LCP2: variants seen among roughly 807,000 people sequenced by gnomAD.
LCP2 encodes lymphocyte cytosolic protein 2, also known as 76 kDa tyrosine phosphoprotein.
LCP2 carries 29 observed loss-of-function variants against 74.5 expected under a neutral mutation model. The ratio of observed to expected loss-of-function variants is 0.39; its 90% CI spans 0.29 to 0.53. The LOEUF (loss-of-function observed/expected upper bound fraction) is 0.53, where lower values mean the gene tolerates loss of function less well. Ranked by LOEUF, LCP2 falls within the 20% of genes least tolerant of loss-of-function variation. LCP2 has a pLI of 0.72. For missense variants in LCP2, 604 were observed against 634.6 expected (o/e 0.95, Z 0.52); for synonymous variants, 228 against 229.5 (o/e 0.99, Z 0.06).
At chr5:170,262,807 T>C (rs1761681449) in intron 12 of LCP2, 35 bp downstream of exon 12, 4 of 1,613,930 alleles carry the variant, frequency 2.5e-6, no homozygotes, top group Non-Finnish European at 3.4e-6. Flanking sequence ...CTACAGAACG[T>C]CCCATGTACC....
chr5:170,279,916 A>C (rs1762071768), intron 3 of LCP2, among the ~76,000 whole-genome samples: 1 of 152,068 alleles, frequency 6.6e-6, no homozygotes, highest in Non-Finnish European at 1.5e-5. Context: ...CACAAGAGGA[A>C]AGAAACTATA....
intron 14 of LCP2, 75 bp from the exon 15 acceptor site, chr5:170,258,953 C>A: frequency 1.0e-6 from 1 of 990,504 alleles, no homozygotes. Context: ...CTGCATTTCT[C>A]AATCAAATAA....
intron 10 of LCP2, among the ~76,000 whole-genome samples, chr5:170,266,049 C>CTAA (rs1305275237): frequency 2.0e-5 from 3 of 152,162 alleles, no homozygotes; most frequent in Admixed American, 2.0e-4. Flanking sequence ...AAAAATGCAC[C>CTAA]TCCTTTGTTG....
chr5:170,289,617 TTTTCTTTCTTTCTTTCTTTC>T (rs70979169), intron 2 of LCP2, among the ~76,000 whole-genome samples: 12 of 122,230 alleles, frequency 9.8e-5, no homozygotes, highest in South Asian at 2.8e-4. Context: ...CTTTCTTTCT[TTTTCTTTCTTTCTTTCTTTC>T]TTTCTTTCTT....
chr5:170,296,379 T>C (rs907621009), intron 1 of LCP2, among the ~76,000 whole-genome samples: 3 of 152,270 alleles, frequency 2.0e-5, no homozygotes, highest in Non-Finnish European at 4.4e-5. Flanking sequence ...CTTCTTCAGG[T>C]TGGGGGAGAA....
intron 17 of LCP2, among the ~76,000 whole-genome samples, chr5:170,254,313 T>C (rs1478464074): frequency 6.6e-6 from 1 of 152,202 alleles, no homozygotes; most frequent in Non-Finnish European, 1.5e-5. Context: ...GAAATCTGCA[T>C]GTTAGCAAGT....
At chr5:170,278,594 G>T (rs1300447677) in intron 3 of LCP2, among the ~76,000 whole-genome samples, 2 of 151,984 alleles carry the variant, frequency 1.3e-5, no homozygotes, top group Non-Finnish European at 2.9e-5. Context: ...TTTCAGTAAT[G>T]ACTTGAGCGA....
intron 3 of LCP2, among the ~76,000 whole-genome samples, chr5:170,280,041 G>C (rs1041768470): frequency 6.6e-6 from 1 of 152,158 alleles, no homozygotes. Context: ...CATGCAGTAG[G>C]AATAGGCATT....
chr5:170,267,079 C>T lies in LCP2; in HGVS notation c.622-4G>A. ...TGGTCTGGGGTGGGGGCAGTGGCTG[C>T]ATAAAGATCCAAACGTTAGGAAGCA... On this transcript the variant is annotated splice_region_variant and splice_polypyrimidine_tract_variant and intron_variant, in intron 8 of 20. Transcript: ENST00000046794. The T allele has an allele frequency of 6.2e-7, 1 of 1,613,684 alleles. No homozygotes were observed. Among genetic ancestry groups the T allele is most frequent in the Non-Finnish European group, 8.5e-7 (1 of 1,179,876 alleles).
chr5:170,292,809 T>C (rs1217540505), intron 2 of LCP2, among the ~76,000 whole-genome samples: 1 of 152,254 alleles, frequency 6.6e-6, no homozygotes, highest in Admixed American at 6.5e-5. Flanking sequence ...ACCTGCACCT[T>C]GGTCTTAGAC....
intron 7 of LCP2, among the ~76,000 whole-genome samples, chr5:170,268,897 A>T (rs1761833341): frequency 6.6e-6 from 1 of 152,232 alleles, no homozygotes; most frequent in Admixed American, 6.5e-5. Flanking sequence ...ACACATGCAT[A>T]TATATGCACA....
At chr5:170,281,888 C>T (rs1215028533) in intron 3 of LCP2, among the ~76,000 whole-genome samples, 1 of 152,232 alleles carries the variant, frequency 6.6e-6, no homozygotes, top group Non-Finnish European at 1.5e-5. Flanking sequence ...CGTAAAGTTA[C>T]ACTGTGCATT....
chr5:170,295,584 A>C (rs1388261648), intron 1 of LCP2, among the ~76,000 whole-genome samples: 1 of 152,250 alleles, frequency 6.6e-6, no homozygotes, highest in African/African-American at 2.4e-5. Flanking sequence ...AGCTGTCTCC[A>C]AGGGAGGCCT....
intron 3 of LCP2, 55 bp from the exon 4 acceptor site, chr5:170,275,915 C>T (rs148220801): frequency 6.9e-7 from 1 of 1,445,842 alleles, no homozygotes; most frequent in Non-Finnish European, 9.5e-7. Context: ...TCTCAACCTT[C>T]CCCCTGACCC....
In LCP2 at chr5:170,252,384, C is replaced by G. The variant is rs538537535; in HGVS notation, c.1323+50G>C. On this transcript the variant is annotated intron_variant, in intron 19 of 20. Coordinates refer to ENST00000046794, the MANE Select transcript of LCP2 (RefSeq NM_005565.5). ...GTACTCAGGACAGGTCAGTTCCCTT[C>G]TCTGCCATTAATATTTACAACTATG... 6 of 1,070,090 alleles carry G rather than the reference C, an allele frequency of 5.6e-6. No individual in the cohort carries two copies. The African/African-American group carries it at 7.8e-5, about 14-fold the overall frequency. The allele number at this position is 1,070,090 out of a possible 1,614,324, so 66.3% of individuals were successfully genotyped here. A position where few individuals can be genotyped will look rare whatever the true frequency, so the allele number is the denominator to read the frequency against.
intron 18 of LCP2, 105 bp downstream of exon 18, chr5:170,253,014 A>G: frequency 1.4e-6 from 1 of 691,826 alleles, no homozygotes; most frequent in South Asian, 1.9e-5. Context: ...AATAAAATAA[A>G]ACAAAGGGAA....
chr5:170,261,424 C>T (rs375773281), intron 13 of LCP2, among the ~76,000 whole-genome samples: 1 of 142,516 alleles, frequency 7.0e-6, no homozygotes, highest in Non-Finnish European at 1.5e-5. Flanking sequence ...TATATATATA[C>T]ACACTCTATA....
Position 170,248,735 on chromosome 5 carries a change from A to G in LCP2, c.1564T>C (p.Tyr522His), listed in dbSNP as rs187889192. Residue 522 changes from tyrosine (Y) to histidine (H), a missense_variant, in exon 21 of 21, where the codon TAC (tyrosine) becomes CAC (histidine). Coordinates refer to ENST00000046794, the MANE Select transcript of LCP2 (RefSeq NM_005565.5). ...LIDGKNRGSR[Y>H]QCTLTHAAGY... ...GCAGCATGCGTTAATGTGCACTGGT[A>G]TCTGGAACCTCGGTTTTTCCCATCA... The G allele has an allele frequency of 3.3e-3, 5,280 of 1,610,636 alleles. 15 individuals carry two copies. Among genetic ancestry groups the G allele is most frequent in the Non-Finnish European group, 4.0e-3 (4,663 of 1,178,852 alleles).
At position 170,275,655 on chromosome 5, in the gene LCP2, T is replaced by G. The variant is rs991894712; in HGVS notation, c.254+140A>C. 2.3e-4 allele frequency: 176 copies of G among 761,182 alleles called. No individual in the cohort carries two copies. The African/African-American group carries it at 2.6e-3, about 11-fold the overall frequency. The allele number at this position is 761,182 out of a possible 1,614,324, so 47.2% of individuals were successfully genotyped here. On this transcript the variant is annotated intron_variant, in intron 4 of 20. Transcript: ENST00000046794. ...AGGGGAGGGAACCCCTTCCCCTCGT[T>G]GGACACCATCTTCCAGACCCCTGGG...
Sources: gnomAD v4.1 joint callset for allele counts (sites outside exome capture counted in the v4.1 genomes callset) on GRCh38, gnomAD v4.1.1 for gene constraint, MANE v1.5 for transcripts, NCBI Gene and HGNC (gene_info 2026-07-23, HGNC 2026-07-21) for gene names.